Variants in COL28A1 observed in about 807,000 individuals in gnomAD.
The protein encoded by COL28A1 is collagen type XXVIII alpha 1 chain, also known as collagen alpha-1(XXVIII) chain.
In COL28A1, 161 loss-of-function variants were observed where a neutral mutation model predicts 150.2. The observed-to-expected ratio is 1.07, with a 90% CI of 0.94 to 1.22. The LOEUF is 1.22. Among genes scored for constraint, COL28A1 ranks in the 50% most tolerant of loss-of-function variants. The pLI is 0.00. For synonymous variants in COL28A1, 552 were observed against 469.7 expected, an observed-to-expected ratio of 1.18 and a Z score of -2.26; for missense variants, 1,617 against 1,388.3, an observed-to-expected ratio of 1.16 and a Z score of -2.62.
chr7:7,400,972 T>TTGGG (rs1554264672), intron 27 of COL28A1, among the ~76,000 whole-genome samples: 15 of 74,080 alleles, frequency 2.0e-4, no homozygotes, highest in South Asian at 1.5e-3. Context: ...GTGTGGGTAT[T>TTGGG]TGGGTGTGTG....
chr7:7,416,690 G>T (rs148482368), intron 27 of COL28A1, among the ~76,000 whole-genome samples: 11 of 152,284 alleles, frequency 7.2e-5, no homozygotes, highest in African/African-American at 2.6e-4. Context: ...TACTCAGCCC[G>T]AGAGATGAAC....
rs545983590 is a variant in COL28A1 at position 7,529,807 on chromosome 7, C to G, written c.681+1541G>C. On this transcript the variant is annotated intron_variant, in intron 3 of 34. Coordinates refer to ENST00000399429, the MANE Select transcript of COL28A1 (RefSeq NM_001037763.3). ...TCTCTCCCACACGGGCTGGAGCCCT[C>G]TGTTTTATGTTCAGTGGTGAGGACC... 5.9e-5 allele frequency among the ~76,000 whole-genome samples: 9 copies of G among 152,362 alleles called. No individual in the cohort carries two copies. The Middle Eastern group carries it at 0.027, about 461-fold the overall frequency.
chr7:7,444,226 C>T lies in COL28A1; in HGVS notation c.1581+192G>A, dbSNP rs532630435. Reference sequence around the variant, plus strand: ...CAGACAGAAGGCAGAGGATGTGAGACACTATCTCAGCCTTTGAATAGGCCA... The same window carrying T: ...CAGACAGAAGGCAGAGGATGTGAGATACTATCTCAGCCTTTGAATAGGCCA... On this transcript the variant is annotated intron_variant, in intron 19 of 34. Coordinates refer to ENST00000399429, the MANE Select transcript of COL28A1 (RefSeq NM_001037763.3). Among the ~76,000 whole-genome samples, 3 of 152,214 alleles carry T rather than the reference C, an allele frequency of 2.0e-5. No homozygotes were observed. In the East Asian group the frequency reaches 5.8e-4, roughly 29 times the overall value.
At chr7:7,472,102 G>C (rs1339213856) in intron 15 of COL28A1, among the ~76,000 whole-genome samples, 1 of 152,110 alleles carries the variant, frequency 6.6e-6, no homozygotes, top group Admixed American at 6.6e-5. Flanking sequence ...TTCCCTCTGA[G>C]AACTGGAACA....
Position 7,490,629 on chromosome 7 carries a change from A to C in COL28A1, c.1044T>G (p.Pro348=). The C allele has an allele frequency of 1.5e-6, 2 of 1,351,126 alleles. No individual in the cohort carries two copies. Among genetic ancestry groups the C allele is most frequent in the Non-Finnish European group, 1.1e-6 (1 of 940,882 alleles). The allele number at this position is 1,351,126 out of a possible 1,614,324, so 83.7% of individuals were successfully genotyped here. The part of the protein sequence containing the change: ...FQGNKGEPGP[P]GPYGSPGAPG... ...GAGCTCCTGGAGAACCATAAGGACCAGGAGGACCTGGCTCACCCTGGAGGA... is the reference window on the plus strand; with the variant it reads ...GAGCTCCTGGAGAACCATAAGGACCCGGAGGACCTGGCTCACCCTGGAGGA... The change falls in exon 12 of 35, where the codon CCT becomes CCG. Residue 348 remains proline (P), a synonymous_variant. Coordinates refer to ENST00000399429, the MANE Select transcript of COL28A1 (RefSeq NM_001037763.3).
At chr7:7,475,575 T>C (rs1189140329) in intron 14 of COL28A1, among the ~76,000 whole-genome samples, 1 of 152,210 alleles carries the variant, frequency 6.6e-6, no homozygotes, top group Non-Finnish European at 1.5e-5. Flanking sequence ...CCTCATATAA[T>C]ATAAAAGTAT....
intron 11 of COL28A1, among the ~76,000 whole-genome samples, chr7:7,496,203 C>G (rs958129945): frequency 6.6e-6 from 1 of 152,162 alleles, no homozygotes; most frequent in South Asian, 2.1e-4. Context: ...TGCAACTTTG[C>G]ATTTAATGTT....
intron 25 of COL28A1, among the ~76,000 whole-genome samples, chr7:7,426,825 C>G (rs987743603): frequency 2.6e-5 from 4 of 152,200 alleles, no homozygotes; most frequent in Non-Finnish European, 4.4e-5. Context: ...AAGAACTTCA[C>G]TGGAGAGCAA....
At chr7:7,493,802 G>A (rs1296481081) in intron 11 of COL28A1, among the ~76,000 whole-genome samples, 3 of 151,882 alleles carry the variant, frequency 2.0e-5, no homozygotes, top group African/African-American at 4.8e-5. Flanking sequence ...TGGTAAGACG[G>A]CAGGCATGAT....
At position 7,527,912 on chromosome 7, in the gene COL28A1, C is replaced by T. The variant is rs564827447; in HGVS notation, c.681+3436G>A. Among the ~76,000 whole-genome samples, 4 of 152,092 alleles carry T rather than the reference C, an allele frequency of 2.6e-5. No individual in the cohort carries two copies. In the South Asian group the frequency reaches 8.3e-4, roughly 32 times the overall value. On this transcript the variant is annotated intron_variant, in intron 3 of 34. Coordinates refer to ENST00000399429, the MANE Select transcript of COL28A1 (RefSeq NM_001037763.3). ...ACTCGGTAGGCAAGGGGAACAAACC[C>T]TGTGACAAAAAAATTCAACTTAAAA...
intron 21 of COL28A1, among the ~76,000 whole-genome samples, chr7:7,437,954 G>A (rs1167122119): frequency 6.6e-6 from 1 of 151,426 alleles, no homozygotes; most frequent in African/African-American, 2.4e-5. Flanking sequence ...ACCCCTATGG[G>A]CTGGGTGTGG....
intron 8 of COL28A1, among the ~76,000 whole-genome samples, chr7:7,513,872 G>A (rs1781283020): frequency 6.6e-6 from 1 of 152,132 alleles, no homozygotes; most frequent in African/African-American, 2.4e-5. Flanking sequence ...CCTTTTTGGT[G>A]GGCTCATTAA....
chr7:7,522,268 T>C (rs1781768785), intron 4 of COL28A1, among the ~76,000 whole-genome samples: 1 of 152,152 alleles, frequency 6.6e-6, no homozygotes, highest in Non-Finnish European at 1.5e-5. Context: ...AATACATGTA[T>C]AATATATAGA....
At chr7:7,442,561 T>C (rs1217420972) in intron 20 of COL28A1, among the ~76,000 whole-genome samples, 1 of 152,226 alleles carries the variant, frequency 6.6e-6, no homozygotes, top group Non-Finnish European at 1.5e-5. Context: ...CAAATATATT[T>C]AAATTTCATG....
At chr7:7,516,513 T>G (rs1013290043) in intron 7 of COL28A1, among the ~76,000 whole-genome samples, 20 of 152,282 alleles carry the variant, frequency 1.3e-4, no homozygotes, top group African/African-American at 4.8e-4. Context: ...CATGGCCCTT[T>G]AAGAAATACA....
the COL28A1 span, among the ~76,000 whole-genome samples, chr7:7,543,162 T>G: frequency 6.6e-6 from 1 of 152,218 alleles, no homozygotes. Flanking sequence ...TTTCATTGAT[T>G]TTTGGCCAAA....
intron 33 of COL28A1, among the ~76,000 whole-genome samples, chr7:7,363,367 A>T (rs1353561619): frequency 3.3e-5 from 5 of 152,194 alleles, no homozygotes; most frequent in Admixed American, 3.3e-4. Flanking sequence ...GGAAATTTTG[A>T]TATCTGTTAA....
chr7:7,442,157 A>C (rs1785847282), intron 20 of COL28A1, among the ~76,000 whole-genome samples: 1 of 152,146 alleles, frequency 6.6e-6, no homozygotes. Context: ...TCAAGCCACA[A>C]ATTCAGTAGC....
chr7:7,502,811 C>G lies in COL28A1; in HGVS notation c.1026+3203G>C, dbSNP rs572862173. ...CTCCCAGGTTCACGCCATTCTCCTGCCTCAGCCTCCCGAGTAGCTGGGACT... is the reference window on the plus strand; with the variant it reads ...CTCCCAGGTTCACGCCATTCTCCTGGCTCAGCCTCCCGAGTAGCTGGGACT... On this transcript the variant is annotated intron_variant, in intron 11 of 34. Transcript: ENST00000399429. 4.1e-4 allele frequency among the ~76,000 whole-genome samples: 38 copies of G among 93,082 alleles called. 11 individuals carry two copies. In the South Asian group the frequency reaches 0.012, roughly 29 times the overall value. 61.1% of individuals were successfully genotyped at this position (93,082 alleles called of 152,430 possible). A position where few individuals can be genotyped will look rare whatever the true frequency, so the allele number is the denominator to read the frequency against.
Sources: allele counts gnomAD v4.1 joint callset (sites outside exome capture counted in the v4.1 genomes callset), GRCh38; gene constraint gnomAD v4.1.1; transcripts MANE v1.5; gene names NCBI Gene and HGNC (gene_info 2026-07-23, HGNC 2026-07-21).